Variants in FUT8 observed in about 807,000 individuals in gnomAD.
FUT8 encodes the protein fucosyltransferase 8, also known as alpha-(1,6)-fucosyltransferase.
In FUT8, 29 loss-of-function variants were observed where a neutral mutation model predicts 71.3. The ratio of observed to expected loss-of-function variants is 0.41; its 90% confidence interval spans 0.30 to 0.55. The LOEUF (loss-of-function observed/expected upper bound fraction) is 0.55. Ranked by LOEUF, FUT8 falls within the 20% of genes least tolerant of loss-of-function variation. FUT8 has a pLI of 0.34. For missense variants in FUT8, 544 were observed against 702.1 expected (o/e 0.77, Z 2.55); for synonymous variants, 254 against 239.3 (o/e 1.06, Z -0.57).
intron 6 of FUT8, among the ~76,000 whole-genome samples, chr14:65,648,248 C>A (rs971659703): frequency 1.3e-5 from 2 of 152,110 alleles, no homozygotes; most frequent in African/African-American, 4.8e-5. Flanking sequence ...CTTTACTGAC[C>A]CTGGCCTAGA....
chr14:65,690,726 C>CTT (rs1010902970), intron 7 of FUT8, among the ~76,000 whole-genome samples: 43 of 141,682 alleles, frequency 3.0e-4, no homozygotes, highest in East Asian at 1.4e-3. Flanking sequence ...AAACATTTGA[C>CTT]TTTTTTTTTT....
intron 2 of FUT8, chr14:65,529,032 G>A (rs1464411018): frequency 6.2e-6 from 1 of 160,270 alleles, no homozygotes; most frequent in East Asian, 1.9e-4. Flanking sequence ...AGACCAACCA[G>A]TATAATGTCT....
intron 9 of FUT8, among the ~76,000 whole-genome samples, chr14:65,728,780 C>A (rs1895812156): frequency 6.6e-6 from 1 of 152,154 alleles, no homozygotes; most frequent in African/African-American, 2.4e-5. Context: ...ATAAGCTATT[C>A]CATATAGCCT....
At chr14:65,508,015 A>G (rs1882041030) in intron 2 of FUT8, among the ~76,000 whole-genome samples, 2 of 150,824 alleles carry the variant, frequency 1.3e-5, no homozygotes, top group Admixed American at 6.6e-5. Flanking sequence ...GTAAGATGAT[A>G]TCTCATTGTA....
chr14:65,427,594 G>A (rs2065408981), intron 1 of FUT8, among the ~76,000 whole-genome samples: 1 of 151,898 alleles, frequency 6.6e-6, no homozygotes, highest in South Asian at 2.1e-4. Context: ...TGTCTATTTA[G>A]GTCTGTAGCC....
chr14:65,595,122 G>T (rs1887898870), intron 3 of FUT8, among the ~76,000 whole-genome samples: 1 of 152,028 alleles, frequency 6.6e-6, no homozygotes, highest in African/African-American at 2.4e-5. Flanking sequence ...ACTTTCAAAT[G>T]TGTATTCTTA....
intron 7 of FUT8, among the ~76,000 whole-genome samples, chr14:65,675,690 A>C (rs1337692702): frequency 6.6e-6 from 1 of 152,148 alleles, no homozygotes; most frequent in Non-Finnish European, 1.5e-5. Context: ...ACCAGAGCAC[A>C]TTAGATGTAA....
chr14:65,497,915 G>GAGGGGA (rs1279218591), intron 2 of FUT8, among the ~76,000 whole-genome samples: 1 of 152,116 alleles, frequency 6.6e-6, no homozygotes, highest in Non-Finnish European at 1.5e-5. Flanking sequence ...GCTAGGTGGA[G>GAGGGGA]AGGGGAAGGG....
intron 2 of FUT8, among the ~76,000 whole-genome samples, chr14:65,491,923 G>T (rs1287440198): frequency 6.6e-6 from 1 of 152,100 alleles, no homozygotes; most frequent in Non-Finnish European, 1.5e-5. Flanking sequence ...CTTAAGAGAA[G>T]CTCTGGTGTC....
intron 2 of FUT8, among the ~76,000 whole-genome samples, chr14:65,477,724 A>G (rs1356897245): frequency 6.6e-6 from 1 of 152,206 alleles, no homozygotes; most frequent in Non-Finnish European, 1.5e-5. Flanking sequence ...AGAGCAAATC[A>G]TATAGCAAGA....
chr14:65,459,314 TA>T, intron 2 of FUT8, among the ~76,000 whole-genome samples: 1 of 152,306 alleles, frequency 6.6e-6, no homozygotes, highest in East Asian at 1.9e-4. Context: ...ATAAAAGCCA[TA>T]TTTAAATTTA....
chr14:65,570,077 G>A (rs1958560), intron 3 of FUT8, among the ~76,000 whole-genome samples: 85,289 of 151,872 alleles, frequency 0.56, 24,222 homozygotes, highest in East Asian at 0.71. Flanking sequence ...TTGAAGAGAA[G>A]ACTAGCTGTG....
At chr14:65,731,106 A>G (rs887313359) in intron 9 of FUT8, among the ~76,000 whole-genome samples, 27 of 152,264 alleles carry the variant, frequency 1.8e-4, no homozygotes, top group African/African-American at 5.5e-4. Flanking sequence ...TTGAACTCCT[A>G]TAATATGCTG....
intron 6 of FUT8, among the ~76,000 whole-genome samples, chr14:65,641,580 C>G (rs934968609): frequency 4.6e-5 from 7 of 152,096 alleles, no homozygotes; most frequent in African/African-American, 7.2e-5. Context: ...TTTTAAGAAA[C>G]TGTTTGAACT....
rs2066041060 is a variant in FUT8, at chr14:65,466,126, C to T, written c.-228+10408C>T. On this transcript the variant is annotated intron_variant, in intron 2 of 10. Transcript: ENST00000673929. ...TTCTTTTGATTAGGTTTAGCATAGCCTATCTTTCTCCATCCCTTTACTTTT... is the reference window on the plus strand; with the variant it reads ...TTCTTTTGATTAGGTTTAGCATAGCTTATCTTTCTCCATCCCTTTACTTTT... Among the ~76,000 whole-genome samples the T allele has an allele frequency of 3.3e-5, 5 of 152,136 alleles. No homozygotes were observed. The South Asian group carries it at 1.0e-3, about 32-fold the overall frequency.
At chr14:65,709,094 A>G (rs748259473) in intron 7 of FUT8, among the ~76,000 whole-genome samples, 2 of 152,212 alleles carry the variant, frequency 1.3e-5, no homozygotes, top group Non-Finnish European at 2.9e-5. Flanking sequence ...TAAATATCAA[A>G]ACACCACATT....
At chr14:65,532,939 G>GTTTTT (rs1884055804) in intron 2 of FUT8, among the ~76,000 whole-genome samples, 1 of 152,116 alleles carries the variant, frequency 6.6e-6, no homozygotes, top group Admixed American at 6.6e-5. Flanking sequence ...AAGATCAGAT[G>GTTTTT]GTTGTAGATA....
chr14:65,423,513 C>T (rs1326106902), intron 1 of FUT8, among the ~76,000 whole-genome samples: 5 of 152,240 alleles, frequency 3.3e-5, no homozygotes, highest in East Asian at 1.9e-4. Flanking sequence ...CCGCCTGCCT[C>T]GGCCTCCCAA....
At chr14:65,477,577 A>G (rs1270435806) in intron 2 of FUT8, among the ~76,000 whole-genome samples, 1 of 152,194 alleles carries the variant, frequency 6.6e-6, no homozygotes, top group Non-Finnish European at 1.5e-5. Flanking sequence ...GGGTGTGTCT[A>G]TCTGACCTGC....
Sources: gnomAD v4.1 joint callset for allele counts (sites outside exome capture counted in the v4.1 genomes callset) on GRCh38, gnomAD v4.1.1 for gene constraint, MANE v1.5 for transcripts, NCBI Gene and HGNC (gene_info 2026-07-23, HGNC 2026-07-21) for gene names.